The following NT5DC3 variants were observed in gnomAD, a reference collection of about 807,000 sequenced individuals.
NT5DC3 encodes 5'-nucleotidase domain containing 3.
Under a neutral mutation model 67.8 loss-of-function variants are expected in NT5DC3, and 42 were observed. That is an observed-to-expected ratio of 0.62 (90% CI 0.48 to 0.80). The LOEUF is 0.80. Among genes scored for constraint, NT5DC3 ranks in the 30% least tolerant of loss-of-function variants. NT5DC3 has a pLI of 0.00. For synonymous variants in NT5DC3, 237 were observed against 255.6 expected, an observed-to-expected ratio of 0.93 and a Z score of 0.69; for missense variants, 570 against 696.4, an observed-to-expected ratio of 0.82 and a Z score of 2.04.
In NT5DC3 at chr12:103,775,045, T is replaced by C. The variant is rs1885297956; in HGVS notation, c.*2784A>G. The C allele has an allele frequency of 1.3e-5, 2 of 149,372 alleles. No individual in the cohort carries two copies. The highest frequency in any genetic ancestry group is 3.0e-5 in the Non-Finnish European group (2 of 67,674). 9.3% of individuals were successfully genotyped at this position (149,372 alleles called of 1,614,324 possible). The stretch of plus-strand genomic sequence containing the variant: ...AAAAAAAAGTCATGACAGCGACAAG[T>C]TAAAATCTGTCCTGACTGAGTATAT... On this transcript the variant is annotated 3_prime_UTR_variant, in exon 14 of 14. Coordinates refer to ENST00000392876, the MANE Select transcript of NT5DC3 (RefSeq NM_001031701.3).
intron 1 of NT5DC3, among the ~76,000 whole-genome samples, chr12:103,833,650 A>C (rs987544903): frequency 1.3e-5 from 2 of 152,066 alleles, no homozygotes; most frequent in African/African-American, 4.8e-5. Context: ...CCACAATTTA[A>C]TACAGCCTAT....
chr12:103,753,164 G>A, the NT5DC3 span: 1 of 1,601,922 alleles, frequency 6.2e-7, no homozygotes, highest in African/African-American at 1.3e-5. Flanking sequence ...TCCATTGTTG[G>A]AAACACTGCC....
At chr12:103,835,940 A>T (rs1021543912) in intron 1 of NT5DC3, among the ~76,000 whole-genome samples, 1 of 152,192 alleles carries the variant, frequency 6.6e-6, no homozygotes, top group African/African-American at 2.4e-5. Flanking sequence ...GAGGTGAAAG[A>T]CACTTCTCAC....
At chr12:103,810,707 C>T (rs1245404859) in intron 2 of NT5DC3, among the ~76,000 whole-genome samples, 2 of 152,164 alleles carry the variant, frequency 1.3e-5, no homozygotes, top group African/African-American at 2.4e-5. Flanking sequence ...GCTACAGAAA[C>T]GTCCCTATAG....
At chr12:103,759,106 C>T in the NT5DC3 span, 32 of 1,614,104 alleles carry the variant, frequency 2.0e-5, no homozygotes, top group Admixed American at 3.3e-4. Flanking sequence ...CTTTGAAGAG[C>T]ATTCTGTGTT....
intron 9 of NT5DC3, 98 bp from the exon 10 acceptor site, chr12:103,789,017 CA>C: frequency 1.2e-6 from 1 of 826,646 alleles, no homozygotes; most frequent in South Asian, 1.5e-5. Flanking sequence ...TAGCTCCCTG[CA>C]AAAACCTAAA....
At chr12:103,785,663 T>C in intron 11 of NT5DC3, 188 bp from the exon 12 acceptor site, 2 of 712,708 alleles carry the variant, frequency 2.8e-6, no homozygotes, top group Non-Finnish European at 5.0e-6. Context: ...GATCATTTCA[T>C]TCCAAGAAAG....
intron 1 of NT5DC3, among the ~76,000 whole-genome samples, chr12:103,817,173 T>C (rs1318521324): frequency 6.6e-6 from 1 of 152,020 alleles, no homozygotes; most frequent in East Asian, 1.9e-4. Flanking sequence ...AAGGGTGACA[T>C]CTCAGACGAC....
chr12:103,801,970 G>C (rs1428349846), intron 4 of NT5DC3: 1 of 152,294 alleles, frequency 6.6e-6, no homozygotes, highest in Non-Finnish European at 1.5e-5. Flanking sequence ...GGCTTTCAGA[G>C]GGTCCAGAGA....
intron 6 of NT5DC3, 119 bp downstream of exon 6, chr12:103,796,775 G>C: frequency 1.0e-6 from 1 of 970,470 alleles, no homozygotes; most frequent in Admixed American, 2.1e-5. Context: ...ACATATAAGA[G>C]TTCCCAGCTA....
Position 103,777,714 on chromosome 12 carries a change from A to G in NT5DC3, c.*115T>C, listed in dbSNP as rs989038342. 5.0e-5 allele frequency: 60 copies of G among 1,199,536 alleles called. No homozygotes were observed. Among genetic ancestry groups the G allele is most frequent in the Non-Finnish European group, 6.8e-5 (58 of 850,716 alleles). 74.3% of individuals were successfully genotyped at this position (1,199,536 alleles called of 1,614,324 possible). ...TTATTCTCCGTAAGGTACAAAATAA[A>G]TATCAAAAGGCTTATCTGTATCTTT... On this transcript the variant is annotated 3_prime_UTR_variant, in exon 14 of 14. Coordinates refer to ENST00000392876, the MANE Select transcript of NT5DC3 (RefSeq NM_001031701.3).
chr12:103,802,735 T>C (rs1287240991), intron 4 of NT5DC3, among the ~76,000 whole-genome samples: 1 of 152,120 alleles, frequency 6.6e-6, no homozygotes, highest in Non-Finnish European at 1.5e-5. Flanking sequence ...CTGTGGACTG[T>C]ACCATTAGTT....
intron 1 of NT5DC3, among the ~76,000 whole-genome samples, chr12:103,834,451 A>C (rs1162423938): frequency 1.3e-5 from 2 of 152,250 alleles, no homozygotes; most frequent in African/African-American, 4.8e-5. Flanking sequence ...GTTACAGCCT[A>C]AAGAAGCCGA....
In NT5DC3 at chr12:103,777,634, G is replaced by C. The variant is rs1593378119; in HGVS notation, c.*195C>G. 1 of 627,058 alleles carries C rather than the reference G, an allele frequency of 1.6e-6. No homozygotes were observed. Among genetic ancestry groups the C allele is most frequent in the East Asian group, 2.8e-5 (1 of 35,474 alleles). The allele number at this position is 627,058 out of a possible 1,614,324, so 38.8% of individuals were successfully genotyped here. A position where few individuals can be genotyped will look rare whatever the true frequency, so the allele number is the denominator to read the frequency against. On this transcript the variant is annotated 3_prime_UTR_variant, in exon 14 of 14. Transcript: ENST00000392876. ...TGAAGCTTGCCTTTCAGCCCTGCAT[G>C]GGGGGAAAGGCTGGAGGGGTGGGCT...
At chr12:103,840,377 G>GCTCAGCTCAGCTCATCTCAT (rs1555266142) in intron 1 of NT5DC3, among the ~76,000 whole-genome samples, 3 of 115,308 alleles carry the variant, frequency 2.6e-5, no homozygotes, top group Admixed American at 1.0e-4. Context: ...ACACCGCACA[G>GCTCAGCTCAGCTCATCTCAT]CTCATCTCAT....
intron 13 of NT5DC3, among the ~76,000 whole-genome samples, chr12:103,779,846 T>C (rs1396257914): frequency 6.6e-6 from 1 of 152,190 alleles, no homozygotes; most frequent in African/African-American, 2.4e-5. Context: ...ACATCCTGCT[T>C]ACTGATTGCA....
the NT5DC3 span, chr12:103,763,565 G>A: frequency 6.2e-7 from 1 of 1,614,120 alleles, no homozygotes; most frequent in Non-Finnish European, 8.5e-7. Context: ...TTGTATGAGA[G>A]CACAACCTCA....
intron 1 of NT5DC3, among the ~76,000 whole-genome samples, chr12:103,839,658 C>A (rs1163715521): frequency 2.0e-5 from 3 of 152,176 alleles, no homozygotes; most frequent in Non-Finnish European, 2.9e-5. Flanking sequence ...TTCCTTTCAT[C>A]TCTTAAGACC....
the NT5DC3 span, among the ~76,000 whole-genome samples, chr12:103,748,599 C>CACAT: frequency 2.6e-5 from 1 of 38,516 alleles, no homozygotes; most frequent in African/African-American, 1.1e-4. Context: ...CACACACACA[C>CACAT]ACACATACAC....
Sources: gnomAD v4.1 joint callset for allele counts (sites outside exome capture counted in the v4.1 genomes callset) on GRCh38, gnomAD v4.1.1 for gene constraint, MANE v1.5 for transcripts, NCBI Gene and HGNC (gene_info 2026-07-23, HGNC 2026-07-21) for gene names.